RGS12: variants seen among roughly 807,000 people sequenced by gnomAD.
RGS12 encodes the protein regulator of G-protein signaling 12.
RGS12 carries 66 observed loss-of-function variants against 120.1 expected under a neutral mutation model. The observed-to-expected ratio is 0.55, with a 90% CI of 0.45 to 0.67. The LOEUF (loss-of-function observed/expected upper bound fraction) is 0.67, where lower values mean the gene tolerates loss of function less well. Ranked by LOEUF, RGS12 falls within the 30% of genes least tolerant of loss-of-function variation. The pLI is 0.00. For synonymous variants in RGS12, 827 were observed against 804.7 expected (o/e 1.03, Z -0.47); for missense variants, 1,859 against 1,957.7 (o/e 0.95, Z 0.95).
Position 3,316,234 on chromosome 4 carries a change from A to T in RGS12, c.64A>T (p.Ser22Cys). The T allele has an allele frequency of 6.2e-7, 1 of 1,612,080 alleles. No individual in the cohort carries two copies. The highest frequency in any genetic ancestry group is 8.5e-7 in the Non-Finnish European group (1 of 1,178,858). Residue 22 changes from serine (S) to cysteine (C), a missense_variant, in exon 2 of 18, where the codon AGT becomes TGT. This residue lies in a region of RGS12 where 967 missense variants were observed against 994.2 expected (regional missense o/e 0.97). Coordinates refer to ENST00000336727, the MANE Select transcript of RGS12 (RefSeq NM_001394154.1). ...TGGGCCGTCGCCCCCAAGGGTGCGG[A>T]GTGTGGAGGTTGCCCGGGGGAGGGC... ...LPGPSPPRVR[S>C]VEVARGRAGY...
chr4:3,382,570 T>G (rs1718372569), intron 3 of RGS12, among the ~76,000 whole-genome samples: 1 of 152,326 alleles, frequency 6.6e-6, no homozygotes, highest in Non-Finnish European at 1.5e-5. Flanking sequence ...CATTTGTAGG[T>G]GACGGTCTTC....
chr4:3,318,948 C>T (rs1724998102), intron 2 of RGS12, among the ~76,000 whole-genome samples: 1 of 152,194 alleles, frequency 6.6e-6, no homozygotes, highest in Non-Finnish European at 1.5e-5. Context: ...CGGCTGTTTA[C>T]GATGTAAAGA....
At chr4:3,315,236 T>C (rs1724662471) in intron 1 of RGS12, among the ~76,000 whole-genome samples, 1 of 152,234 alleles carries the variant, frequency 6.6e-6, no homozygotes, top group Non-Finnish European at 1.5e-5. Context: ...ATCCTTTCGC[T>C]GTAATGAATC....
intron 2 of RGS12, among the ~76,000 whole-genome samples, chr4:3,328,655 G>A (rs1231727271): frequency 6.6e-6 from 1 of 152,238 alleles, no homozygotes; most frequent in African/African-American, 2.4e-5. Context: ...ACACACAGTA[G>A]GGATAGAGAG....
chr4:3,402,838 A>G (rs1720732794), intron 4 of RGS12, among the ~76,000 whole-genome samples: 1 of 152,222 alleles, frequency 6.6e-6, no homozygotes, highest in African/African-American at 2.4e-5. Context: ...AGTAATGTGA[A>G]GTTTTTTCAG....
intron 2 of RGS12, among the ~76,000 whole-genome samples, chr4:3,323,126 G>GC: frequency 6.6e-6 from 1 of 152,324 alleles, no homozygotes; most frequent in South Asian, 2.1e-4. Flanking sequence ...GGTGGCGCGT[G>GC]CCCCTCGGTG....
At chr4:3,400,318 T>C (rs1178853229) in intron 4 of RGS12, among the ~76,000 whole-genome samples, 7 of 152,190 alleles carry the variant, frequency 4.6e-5, no homozygotes, top group Non-Finnish European at 8.8e-5. Flanking sequence ...ACACAAGAAA[T>C]GCAAAGATAG....
At chr4:3,371,942 C>T (rs973556342) in intron 3 of RGS12, among the ~76,000 whole-genome samples, 3 of 152,094 alleles carry the variant, frequency 2.0e-5, no homozygotes, top group Admixed American at 1.3e-4. Context: ...TCAAAGAGCA[C>T]GCGGGGGAGC....
intron 3 of RGS12, among the ~76,000 whole-genome samples, chr4:3,381,421 C>T (rs3129328): frequency 0.65 from 98,374 of 152,090 alleles, 32,536 homozygotes; most frequent in African/African-American, 0.76. Context: ...TATATTAGTC[C>T]GTTATCATGC....
chr4:3,310,003 G>T (rs1464670496), intron 1 of RGS12, among the ~76,000 whole-genome samples: 2 of 148,470 alleles, frequency 1.3e-5, no homozygotes, highest in Non-Finnish European at 3.0e-5. Context: ...CCGCTGAGGG[G>T]AACCGTGTGG....
chr4:3,331,759 G>A (rs969900420), intron 2 of RGS12, among the ~76,000 whole-genome samples: 1 of 152,208 alleles, frequency 6.6e-6, no homozygotes, highest in Non-Finnish European at 1.5e-5. Flanking sequence ...CATCCCCAGC[G>A]AAAGGAAGGG....
At chr4:3,287,538 T>C in the RGS12 span, among the ~76,000 whole-genome samples, 5 of 152,214 alleles carry the variant, frequency 3.3e-5, no homozygotes, top group African/African-American at 1.2e-4. Context: ...CCCTGCCCGC[T>C]GGCCTTTGGG....
At chr4:3,403,735 C>T (rs530433362) in intron 4 of RGS12, among the ~76,000 whole-genome samples, 9 of 152,228 alleles carry the variant, frequency 5.9e-5, no homozygotes, top group Non-Finnish European at 1.5e-5. Flanking sequence ...CCTGTTCTTG[C>T]CCGACATGTC....
At chr4:3,330,192 A>T (rs1469023945) in intron 2 of RGS12, among the ~76,000 whole-genome samples, 2 of 152,168 alleles carry the variant, frequency 1.3e-5, no homozygotes, top group African/African-American at 2.4e-5. Context: ...CATAGTTTAT[A>T]TGGCATTTTT....
At chr4:3,342,808 T>C (rs1277541108) in intron 2 of RGS12, 129 bp from the exon 3 acceptor site, 1 of 768,932 alleles carries the variant, frequency 1.3e-6, no homozygotes, top group Admixed American at 2.3e-5. Context: ...TGGGATGACT[T>C]TTAAATCTCT....
intron 3 of RGS12, chr4:3,386,139 G>A (rs1319187657): frequency 1.2e-5 from 6 of 486,590 alleles, no homozygotes; most frequent in South Asian, 6.4e-5. Context: ...TTTCATTGAC[G>A]CTGTTACTAA....
In RGS12 at chr4:3,420,433, G is replaced by A; in HGVS notation, c.2762-209G>A. Reference sequence around the variant, plus strand: ...GCATCTCTGCTGCATGGTGGGTAGAGCCTTGTTGGTCCCTGACTGGCTTCC... The same window carrying A: ...GCATCTCTGCTGCATGGTGGGTAGAACCTTGTTGGTCCCTGACTGGCTTCC... On this transcript the variant is annotated intron_variant, in intron 9 of 17. Coordinates refer to ENST00000336727, the MANE Select transcript of RGS12 (RefSeq NM_001394154.1). The A allele has an allele frequency of 4.8e-6, 3 of 628,722 alleles. No individual in the cohort carries two copies. The South Asian group carries it at 5.4e-5, about 11-fold the overall frequency. The allele number at this position is 628,722 out of a possible 1,614,324, so 38.9% of individuals were successfully genotyped here. A position where few individuals can be genotyped will look rare whatever the true frequency, so the allele number is the denominator to read the frequency against.
upstream of RGS12, among the ~76,000 whole-genome samples, chr4:3,290,538 G>A (rs1460358072): frequency 6.6e-6 from 1 of 152,262 alleles, no homozygotes; most frequent in Non-Finnish European, 1.5e-5. Flanking sequence ...CGTAGCCTGT[G>A]TTGGAATGTG....
intron 2 of RGS12, among the ~76,000 whole-genome samples, chr4:3,319,512 C>G (rs998654337): frequency 3.9e-5 from 6 of 152,156 alleles, no homozygotes; most frequent in African/African-American, 1.4e-4. Flanking sequence ...CACTGCAGCC[C>G]CTGCTCCTGG....
Sources: gnomAD v4.1 joint callset for allele counts (sites outside exome capture counted in the v4.1 genomes callset) on GRCh38, gnomAD v4.1.1 for gene constraint, gnomAD v4.1.1 regional missense constraint, MANE v1.5 for transcripts, NCBI Gene and HGNC (gene_info 2026-07-23, HGNC 2026-07-21) for gene names.